Variants in LRP5 observed in about 807,000 individuals in gnomAD.
The protein encoded by LRP5 is low-density lipoprotein receptor-related protein 5.
A neutral mutation model predicts 154.1 loss-of-function variants in LRP5; 62 were observed. That is an observed-to-expected ratio of 0.40 (90% CI 0.33 to 0.50). The LOEUF (loss-of-function observed/expected upper bound fraction) is 0.50, where lower values mean the gene tolerates loss of function less well. LRP5 is among the 20% of genes least tolerant of loss of function. The pLI is 0.55. For synonymous variants in LRP5, 966 were observed against 1,011.5 expected (o/e 0.96, Z 0.85); for missense variants, 1,915 against 2,336.7 (o/e 0.82, Z 3.72).
intron 5 of LRP5, among the ~76,000 whole-genome samples, chr11:68,385,914 G>T (rs2098642717): frequency 6.6e-6 from 1 of 152,094 alleles, no homozygotes. Context: ...CAGCAGCTGG[G>T]TCTGCAGCCT....
chr11:68,328,569 C>T (rs1360719722), intron 1 of LRP5, among the ~76,000 whole-genome samples: 6 of 152,174 alleles, frequency 3.9e-5, no homozygotes, highest in Non-Finnish European at 4.4e-5. Context: ...CCTCCCACCT[C>T]GATGGAAACC....
chr11:68,376,561 G>C (rs1435963861), intron 5 of LRP5, among the ~76,000 whole-genome samples: 3 of 152,222 alleles, frequency 2.0e-5, no homozygotes, highest in Non-Finnish European at 4.4e-5. Context: ...GCGCAGATGG[G>C]ATCTGGGCCT....
At chr11:68,341,788 C>T (rs1216274585) in intron 1 of LRP5, among the ~76,000 whole-genome samples, 1 of 151,998 alleles carries the variant, frequency 6.6e-6, no homozygotes, top group Non-Finnish European at 1.5e-5. Context: ...GCATGCAGCC[C>T]CCCGACCCAC....
chr11:68,384,680 T>C (rs927196635), intron 5 of LRP5, among the ~76,000 whole-genome samples: 7 of 152,100 alleles, frequency 4.6e-5, no homozygotes, highest in African/African-American at 1.7e-4. Flanking sequence ...TAGGACACAG[T>C]CAGAAATGCT....
chr11:68,385,037 A>G (rs1565363235), intron 5 of LRP5, among the ~76,000 whole-genome samples: 1 of 152,214 alleles, frequency 6.6e-6, no homozygotes, highest in Non-Finnish European at 1.5e-5. Flanking sequence ...TGAGTTAGGC[A>G]GGGCACAGAT....
intron 2 of LRP5, among the ~76,000 whole-genome samples, chr11:68,354,745 G>A (rs903863635): frequency 6.6e-6 from 1 of 152,218 alleles, no homozygotes; most frequent in Non-Finnish European, 1.5e-5. Flanking sequence ...GCCGCTCAGC[G>A]CCTGTAACCT....
intron 13 of LRP5, among the ~76,000 whole-genome samples, chr11:68,421,686 CTGTGTGTGTGTGTG>C (rs148066763): frequency 1.2e-4 from 16 of 133,404 alleles, no homozygotes; most frequent in Non-Finnish European, 2.1e-4. Context: ...CCCAGCAAGG[CTGTGTGTGTGTGTG>C]TGTGTGTGTG....
rs538971674 is a variant in LRP5, at chr11:68,362,764, C to T, written c.687-983C>T. ...TAATTTTCTTAAAAAACAGCATCAA[C>T]AAAAATGAACAGAAGAGGTGGTGGA... is the stretch of plus-strand genomic sequence containing the variant. On this transcript the variant is annotated intron_variant, in intron 3 of 22. Coordinates refer to ENST00000294304, the MANE Select transcript of LRP5 (RefSeq NM_002335.4). Among the ~76,000 whole-genome samples, 18 of 151,872 alleles carry T rather than the reference C, an allele frequency of 1.2e-4. 1 individual carries two copies. The South Asian group carries it at 3.5e-3, about 30-fold the overall frequency.
At chr11:68,407,946 A>G (rs372586443) in intron 9 of LRP5, among the ~76,000 whole-genome samples, 7 of 152,230 alleles carry the variant, frequency 4.6e-5, no homozygotes, top group East Asian at 1.9e-4. Flanking sequence ...ACAGATCTGT[A>G]TGGGCTCTAA....
intron 7 of LRP5, among the ~76,000 whole-genome samples, chr11:68,391,317 T>A (rs1258788261): frequency 2.6e-5 from 4 of 152,154 alleles, no homozygotes; most frequent in African/African-American, 9.7e-5. Flanking sequence ...ATATGTTACA[T>A]GTGTCCCCAT....
intron 5 of LRP5, among the ~76,000 whole-genome samples, chr11:68,374,223 C>T (rs1478024182): frequency 6.6e-6 from 1 of 152,220 alleles, no homozygotes; most frequent in African/African-American, 2.4e-5. Context: ...CACGTCCCTC[C>T]GTCTGTCCGG....
chr11:68,327,338 T>A (rs769272230), intron 1 of LRP5, among the ~76,000 whole-genome samples: 6 of 152,058 alleles, frequency 3.9e-5, no homozygotes, highest in Non-Finnish European at 7.4e-5. Context: ...GAGGCCACGG[T>A]CATGAGGGGA....
At chr11:68,361,161 CG>C (rs2098627738) in intron 3 of LRP5, among the ~76,000 whole-genome samples, 1 of 148,040 alleles carries the variant, frequency 6.8e-6, no homozygotes, top group Non-Finnish European at 1.5e-5. Context: ...AAAAATTAGC[CG>C]GGCATCGTGG....
chr11:68,448,322 T>C (rs769448312), intron 22 of LRP5, among the ~76,000 whole-genome samples: 1 of 152,198 alleles, frequency 6.6e-6, no homozygotes, highest in Non-Finnish European at 1.5e-5. Context: ...CCAAACCCTA[T>C]CGGTTGCCAA....
chr11:68,410,287 C>T (rs1386709506), intron 10 of LRP5, 147 bp downstream of exon 10: 4 of 733,404 alleles, frequency 5.5e-6, no homozygotes, highest in African/African-American at 3.5e-5. Context: ...GTGGCCAGGA[C>T]TGGTAGGGCC....
intron 2 of LRP5, among the ~76,000 whole-genome samples, chr11:68,349,231 C>G (rs2098616341): frequency 6.6e-6 from 1 of 151,890 alleles, no homozygotes; most frequent in African/African-American, 2.4e-5. Flanking sequence ...TGGGGTTTCA[C>G]CATGGTGTCT....
At chr11:68,361,564 G>A (rs1375855390) in intron 3 of LRP5, among the ~76,000 whole-genome samples, 1 of 151,896 alleles carries the variant, frequency 6.6e-6, no homozygotes, top group African/African-American at 2.4e-5. Flanking sequence ...GTGAACCCGG[G>A]AGGCAGAGCT....
At chr11:68,429,452 G>C in intron 16 of LRP5, 123 bp from the exon 17 acceptor site, 1 of 1,219,684 alleles carries the variant, frequency 8.2e-7, no homozygotes. Flanking sequence ...GATCCTCCCA[G>C]AGAGGCCGGG....
chr11:68,306,906 G>A, the LRP5 span, among the ~76,000 whole-genome samples: 2 of 152,174 alleles, frequency 1.3e-5, no homozygotes, highest in Admixed American at 6.5e-5. Context: ...GGTGACAGCC[G>A]AGGTGAGTGC....
Sources: allele counts gnomAD v4.1 joint callset (sites outside exome capture counted in the v4.1 genomes callset), GRCh38; gene constraint gnomAD v4.1.1; transcripts MANE v1.5; gene names NCBI Gene and HGNC (gene_info 2026-07-23, HGNC 2026-07-21).